Variants in AHCTF1 observed in about 807,000 individuals in gnomAD.
AHCTF1 encodes the protein AT-hook containing transcription factor 1, also known as protein ELYS.
A neutral mutation model predicts 248.4 loss-of-function variants in AHCTF1; 24 were observed. That is an observed-to-expected ratio of 0.10 (90% CI 0.07 to 0.14). The LOEUF (loss-of-function observed/expected upper bound fraction) is 0.14. AHCTF1 is among the 10% of genes least tolerant of loss of function. AHCTF1 has a pLI of 1.00. For missense variants in AHCTF1, 2,206 were observed against 2,636.2 expected, an observed-to-expected ratio of 0.84 and a Z score of 3.57; for synonymous variants, 786 against 929.8, an observed-to-expected ratio of 0.85 and a Z score of 2.81.
At chr1:246,881,071 T>C (rs1379149362) in intron 21 of AHCTF1, among the ~76,000 whole-genome samples, 1 of 152,074 alleles carries the variant, frequency 6.6e-6, no homozygotes, top group Admixed American at 6.5e-5. Context: ...GAGACCACAA[T>C]ACAAAAAGAC....
chr1:246,849,631 A>T lies in AHCTF1; in HGVS notation c.6375T>A (p.Val2125=). Reference sequence around the variant, plus strand: ...GAAAAGTACCTTTTGCTTTCCTTGGAACTTCTGACGCTGGAGAAAATAAAG... The same window carrying T: ...GAAAAGTACCTTTTGCTTTCCTTGGTACTTCTGACGCTGGAGAAAATAAAG... ...NEPLFSPASE[V]PRKAKAKKIE... is the part of the protein sequence containing the mutation. Residue 2125 remains valine (V), a synonymous_variant, in exon 33 of 36, where the codon GTT becomes GTA. Coordinates refer to ENST00000648844, the MANE Select transcript of AHCTF1 (RefSeq NM_001323342.2). 6.2e-7 allele frequency: 1 copy of T among 1,607,990 alleles called. No individual in the cohort carries two copies. Among genetic ancestry groups the T allele is most frequent in the East Asian group, 2.2e-5 (1 of 44,752 alleles).
Position 246,931,811 on chromosome 1 carries a change from T to C in AHCTF1, c.-241A>G, listed in dbSNP as rs1572490621. ...CCCCCGAGAGTGCCTTCGCGGGCTGTAGGCCTGCAGACCGCTCAGCGGCTA... is the reference window on the plus strand; with the variant it reads ...CCCCCGAGAGTGCCTTCGCGGGCTGCAGGCCTGCAGACCGCTCAGCGGCTA... On this transcript the variant is annotated 5_prime_UTR_variant, in exon 1 of 36. Transcript: ENST00000648844. 1 of 152,134 alleles carries C rather than the reference T, an allele frequency of 6.6e-6. No individual in the cohort carries two copies. The highest frequency in any genetic ancestry group is 2.4e-5 in the African/African-American group (1 of 41,384). 9.4% of individuals were successfully genotyped at this position (152,134 alleles called of 1,614,324 possible). A position where few individuals can be genotyped will look rare whatever the true frequency, so the allele number is the denominator to read the frequency against.
chr1:246,920,452 C>T (rs773327390), intron 1 of AHCTF1, among the ~76,000 whole-genome samples: 1 of 152,016 alleles, frequency 6.6e-6, no homozygotes, highest in Non-Finnish European at 1.5e-5. Flanking sequence ...CAGCTACATG[C>T]AACAATATGA....
intron 11 of AHCTF1, 32 bp downstream of exon 11, chr1:246,899,419 G>T: frequency 6.5e-7 from 1 of 1,534,852 alleles, no homozygotes; most frequent in Non-Finnish European, 8.9e-7. Context: ...TCTGACTTCA[G>T]TTCAATTAAG....
At chr1:246,858,315 G>A (rs145681656) in intron 29 of AHCTF1, among the ~76,000 whole-genome samples, 1 of 152,008 alleles carries the variant, frequency 6.6e-6, no homozygotes, top group Non-Finnish European at 1.5e-5. Context: ...TTAACCTCTC[G>A]CTTTTCACTT....
rs773982016 is a variant in AHCTF1, at chr1:246,861,056, C to T, written c.3975G>A (p.Pro1325=). 1.2e-5 allele frequency: 19 copies of T among 1,613,896 alleles called. No homozygotes were observed. The highest frequency in any genetic ancestry group is 9.3e-5 in the African/African-American group (7 of 74,900). Residue 1325 remains proline (P), a synonymous_variant, in exon 29 of 36, where the codon CCG becomes CCA. Coordinates refer to ENST00000648844, the MANE Select transcript of AHCTF1 (RefSeq NM_001323342.2). ...CAGTCTCTTCAAGGTCTTCCGGTGA[C>T]GGTGCATCCTGATACTCTAAGGTAG... ...DETTLEYQDA[P]SPEDLEETVF...
intron 31 of AHCTF1, among the ~76,000 whole-genome samples, chr1:246,853,705 C>T (rs1006584175): frequency 1.3e-5 from 2 of 149,364 alleles, no homozygotes; most frequent in Admixed American, 1.3e-4. Context: ...AAGAATGAAT[C>T]TCTTTTGGCA....
At chr1:246,872,981 C>A (rs1662705217) in intron 24 of AHCTF1, among the ~76,000 whole-genome samples, 1 of 152,076 alleles carries the variant, frequency 6.6e-6, no homozygotes, top group Non-Finnish European at 1.5e-5. Flanking sequence ...CTGTTTGGAC[C>A]ATGTATTATT....
intron 1 of AHCTF1, among the ~76,000 whole-genome samples, chr1:246,924,598 CT>C (rs1333551910): frequency 6.6e-6 from 1 of 152,108 alleles, no homozygotes; most frequent in Non-Finnish European, 1.5e-5. Context: ...CTCTCCACAT[CT>C]TAGTCCCCTC....
chr1:246,859,713 A>C lies in AHCTF1; in HGVS notation c.4132+1186T>G, dbSNP rs149380779. ...CTCTCAGTGTCCTGAGTAGCTAGGAATACAAGTGCATGCTATCGTGCCCAG... is the reference window on the plus strand; with the variant it reads ...CTCTCAGTGTCCTGAGTAGCTAGGACTACAAGTGCATGCTATCGTGCCCAG... On this transcript the variant is annotated intron_variant, in intron 29 of 35. Coordinates refer to ENST00000648844, the MANE Select transcript of AHCTF1 (RefSeq NM_001323342.2). 5.6e-4 allele frequency among the ~76,000 whole-genome samples: 86 copies of C among 152,228 alleles called. 1 individual carries two copies. Among genetic ancestry groups the C allele is most frequent in the African/African-American group, 1.9e-3 (79 of 41,544 alleles).
rs114321813 is a variant in AHCTF1, at chr1:246,876,855, T to C, written c.2937+95A>G. 865 of 1,440,466 alleles carry C rather than the reference T, an allele frequency of 6.0e-4. 4 individuals carry two copies. The African/African-American group carries it at 0.011, about 18-fold the overall frequency. The allele number at this position is 1,440,466 out of a possible 1,614,324, so 89.2% of individuals were successfully genotyped here. On this transcript the variant is annotated intron_variant, in intron 23 of 35. Transcript: ENST00000648844. The stretch of plus-strand genomic sequence containing the variant: ...AAGTTCAAGGTAATGCTAGGCACAG[T>C]GGTTACCAAACTGTAAGCTCTTATA...
At chr1:246,918,464 G>T in intron 1 of AHCTF1, 87 bp from the exon 2 acceptor site, 1 of 1,254,358 alleles carries the variant, frequency 8.0e-7, no homozygotes, top group Non-Finnish European at 1.1e-6. Context: ...AACAGTAAAA[G>T]CCACCAACAA....
chr1:246,869,366 C>CA (rs1262421685), intron 24 of AHCTF1, among the ~76,000 whole-genome samples: 1 of 152,140 alleles, frequency 6.6e-6, no homozygotes, highest in Non-Finnish European at 1.5e-5. Flanking sequence ...AAGGAGGAGT[C>CA]ACATGTCTAG....
At chr1:246,869,120 G>A (rs1160218566) in intron 24 of AHCTF1, among the ~76,000 whole-genome samples, 2 of 152,006 alleles carry the variant, frequency 1.3e-5, no homozygotes, top group Non-Finnish European at 2.9e-5. Flanking sequence ...CTGGATTACA[G>A]GCGTGAGCCA....
intron 31 of AHCTF1, among the ~76,000 whole-genome samples, chr1:246,855,095 G>C (rs1219279851): frequency 1.3e-5 from 2 of 152,232 alleles, no homozygotes; most frequent in Non-Finnish European, 2.9e-5. Flanking sequence ...CATAACAGTT[G>C]AGAGCATGGG....
At position 246,851,106 on chromosome 1, in the gene AHCTF1, T is replaced by C. The variant is rs776555445; in HGVS notation, c.4900A>G (p.Asn1634Asp). ...GGCAAATTTGCAATTTGTCCATGATTATCATTTTCCCCACTGCATACAAGT... is the reference window on the plus strand; with the variant it reads ...GGCAAATTTGCAATTTGTCCATGATCATCATTTTCCCCACTGCATACAAGT... ...EKLVCSGEND[N>D]HGQIANLPSA... The change falls in exon 33 of 36, where the codon AAT becomes GAT. Residue 1634 changes from asparagine (N) to aspartate (D), a missense_variant. Asn to Asp is a conservative substitution (Grantham distance 23). Coordinates refer to ENST00000648844, the MANE Select transcript of AHCTF1 (RefSeq NM_001323342.2). The C allele has an allele frequency of 1.2e-6, 2 of 1,613,838 alleles. No individual in the cohort carries two copies. Among genetic ancestry groups the C allele is most frequent in the Non-Finnish European group, 1.7e-6 (2 of 1,179,862 alleles).
chr1:246,884,355 C>T (rs1663662717), intron 21 of AHCTF1, among the ~76,000 whole-genome samples: 1 of 152,140 alleles, frequency 6.6e-6, no homozygotes, highest in African/African-American at 2.4e-5. Flanking sequence ...ATTTGTAGAT[C>T]TTACCCTCTT....
chr1:246,906,559 GC>G (rs916691034), intron 5 of AHCTF1, among the ~76,000 whole-genome samples: 4 of 151,966 alleles, frequency 2.6e-5, no homozygotes, highest in African/African-American at 9.7e-5. Context: ...TCCAGCCTGG[GC>G]AACAGAGTGA....
Position 246,881,767 on chromosome 1 carries a change from GGC to G in AHCTF1, c.2660+3724_2660+3725del, listed in dbSNP as rs1663428924. On this transcript the variant is annotated intron_variant, in intron 21 of 35. Coordinates refer to ENST00000648844, the MANE Select transcript of AHCTF1 (RefSeq NM_001323342.2). ...GCAGGAGAATCGCTTGAACCTGGGA[GGC>G]AGAGGTTGCAGTGAGCCAAGATCGC... Among the ~76,000 whole-genome samples the G allele has an allele frequency of 3.3e-5, 5 of 149,838 alleles. No homozygotes were observed. In the South Asian group the frequency reaches 1.1e-3, roughly 32 times the overall value.
Sources: gnomAD v4.1 joint callset for allele counts (sites outside exome capture counted in the v4.1 genomes callset) on GRCh38, gnomAD v4.1.1 for gene constraint, MANE v1.5 for transcripts, NCBI Gene and HGNC (gene_info 2026-07-23, HGNC 2026-07-21) for gene names.